The following RIMS2 variants were observed in gnomAD, a reference collection of about 807,000 sequenced individuals.
The protein encoded by RIMS2 is regulating synaptic membrane exocytosis protein 2.
RIMS2 carries 59 observed loss-of-function variants against 174.4 expected under a neutral mutation model. That is an observed-to-expected ratio of 0.34 (90% CI 0.27 to 0.42). The LOEUF is 0.42. RIMS2 is among the 10% of genes least tolerant of loss of function. The probability of loss-of-function intolerance (pLI) is 1.00; values close to 1 mark genes in which losing one functional copy is unlikely to be tolerated. For missense variants in RIMS2, 1,620 were observed against 1,666.3 expected (o/e 0.97, Z 0.48); for synonymous variants, 606 against 572.5 (o/e 1.06, Z -0.84).
chr8:104,063,583 G>C (rs1411200046), intron 19 of RIMS2, among the ~76,000 whole-genome samples: 1 of 152,174 alleles, frequency 6.6e-6, no homozygotes. Flanking sequence ...ACTAATCAAT[G>C]CAATTTCTGA....
At chr8:103,768,975 C>A (rs2098215334) in intron 3 of RIMS2, 3 of 370,726 alleles carry the variant, frequency 8.1e-6, no homozygotes, top group Admixed American at 3.4e-5. Flanking sequence ...CTAAGAAATG[C>A]AGGCTTTCCT....
intron 4 of RIMS2, among the ~76,000 whole-genome samples, chr8:103,898,960 G>C (rs2099310704): frequency 6.6e-6 from 1 of 150,964 alleles, no homozygotes; most frequent in Non-Finnish European, 1.5e-5. Flanking sequence ...CTATGAGTGA[G>C]AACATGCAGG....
chr8:103,745,954 G>T (rs2097806322), intron 2 of RIMS2, among the ~76,000 whole-genome samples: 1 of 151,972 alleles, frequency 6.6e-6, no homozygotes, highest in African/African-American at 2.4e-5. Flanking sequence ...TTTTTTTGAT[G>T]AAGTCCAATT....
intron 1 of RIMS2, among the ~76,000 whole-genome samples, chr8:103,626,043 A>G (rs958046685): frequency 2.0e-5 from 3 of 152,052 alleles, no homozygotes; most frequent in Non-Finnish European, 4.4e-5. Context: ...CTGTCACATA[A>G]TAAGTATGTG....
At chr8:103,904,606 A>G (rs1055545387) in intron 4 of RIMS2, among the ~76,000 whole-genome samples, 2 of 152,068 alleles carry the variant, frequency 1.3e-5, no homozygotes, top group Non-Finnish European at 2.9e-5. Context: ...ATTTTCAAAT[A>G]TTCAACCAGT....
At chr8:104,235,961 G>A (rs1441459633) in intron 19 of RIMS2, among the ~76,000 whole-genome samples, 1 of 151,808 alleles carries the variant, frequency 6.6e-6, no homozygotes, top group Non-Finnish European at 1.5e-5. Flanking sequence ...CATTGCATTT[G>A]GTTGTTACGC....
intron 1 of RIMS2, among the ~76,000 whole-genome samples, chr8:103,534,749 C>G (rs1371167449): frequency 6.6e-6 from 1 of 152,106 alleles, no homozygotes; most frequent in Non-Finnish European, 1.5e-5. Flanking sequence ...ATCAGTAGAC[C>G]TGTATTATTA....
chr8:103,998,251 G>T, intron 17 of RIMS2: 1 of 1,602,374 alleles, frequency 6.2e-7, no homozygotes. Context: ...GGGATGGCAG[G>T]TATATTTTTC....
chr8:103,523,638 T>A (rs1004772495), intron 1 of RIMS2, among the ~76,000 whole-genome samples: 2 of 152,116 alleles, frequency 1.3e-5, no homozygotes, highest in African/African-American at 2.4e-5. Context: ...TGATAGTCAG[T>A]GTTATAGAGT....
rs947418550 is a variant in RIMS2 at position 103,502,536 on chromosome 8, G to A, written c.176+1474G>A. Among the ~76,000 whole-genome samples, 8 of 152,086 alleles carry A rather than the reference G, an allele frequency of 5.3e-5. 1 individual carries two copies. Among genetic ancestry groups the A allele is most frequent in the Middle Eastern group, 3.2e-3 (1 of 316 alleles). ...GAATGTTATTTATTAACAGCCTTCA[G>A]ATATGAAGAAATTAAGAGACTTAAG... On this transcript the variant is annotated intron_variant, in intron 1 of 23. Coordinates refer to ENST00000504942, the Ensembl canonical transcript of RIMS2.
intron 19 of RIMS2, among the ~76,000 whole-genome samples, chr8:104,191,663 T>A (rs2098998421): frequency 6.6e-6 from 1 of 152,184 alleles, no homozygotes; most frequent in Admixed American, 6.6e-5. Flanking sequence ...CTTATGATAT[T>A]TGGCTCTTTC....
At chr8:104,177,370 G>T (rs934130932) in intron 19 of RIMS2, among the ~76,000 whole-genome samples, 1 of 151,928 alleles carries the variant, frequency 6.6e-6, no homozygotes, top group Non-Finnish European at 1.5e-5. Context: ...TTTCCATAGG[G>T]ACTACATTAG....
At chr8:104,098,028 G>C (rs773619775) in intron 19 of RIMS2, among the ~76,000 whole-genome samples, 1 of 152,056 alleles carries the variant, frequency 6.6e-6, no homozygotes, top group African/African-American at 2.4e-5. Flanking sequence ...TGCTATTTTC[G>C]TTAATTAGAT....
chr8:104,253,515 T>G (rs1356148517), downstream of RIMS2: 2 of 152,182 alleles, frequency 1.3e-5, no homozygotes, highest in African/African-American at 4.8e-5. Context: ...CTATTAATAG[T>G]TATTTGATGC....
At chr8:103,916,487 A>G (rs2076653414) in exon 8 of RIMS2, 1 of 1,612,030 alleles carries the variant, frequency 6.2e-7, no homozygotes, top group African/African-American at 1.3e-5. Flanking sequence ...ACATCATTCT[A>G]GAATCCAAAC....
chr8:103,826,017 C>A (rs1045117090), intron 3 of RIMS2, among the ~76,000 whole-genome samples: 14 of 152,142 alleles, frequency 9.2e-5, no homozygotes, highest in Non-Finnish European at 1.6e-4. Context: ...TGCCTCATGA[C>A]TAACAACTAC....
At chr8:103,538,072 C>T (rs1840673511) in intron 1 of RIMS2, among the ~76,000 whole-genome samples, 3 of 151,992 alleles carry the variant, frequency 2.0e-5, no homozygotes, top group African/African-American at 4.8e-5. Flanking sequence ...CTGATATGAT[C>T]CTAGAATTGA....
chr8:103,699,421 G>T lies in RIMS2; in HGVS notation c.387+2125G>T, dbSNP rs182626362. ...TTTAAAATTATTTTTGTAGAGATGG[G>T]GTCTTGCTGTGTTGCCCAGGCTGAT... On this transcript the variant is annotated intron_variant, in intron 2 of 23. Transcript: ENST00000504942. 1.6e-4 allele frequency among the ~76,000 whole-genome samples: 25 copies of T among 152,086 alleles called. 1 individual carries two copies. The South Asian group carries it at 3.7e-3, about 23-fold the overall frequency.
intron 1 of RIMS2, among the ~76,000 whole-genome samples, chr8:103,561,409 G>A (rs1187303384): frequency 2.0e-5 from 3 of 152,042 alleles, no homozygotes; most frequent in Non-Finnish European, 4.4e-5. Context: ...TTTAACACTT[G>A]TTATATAGCC....
Sources: allele counts gnomAD v4.1 joint callset (sites outside exome capture counted in the v4.1 genomes callset), GRCh38; gene constraint gnomAD v4.1.1; transcripts MANE v1.5; gene names NCBI Gene and HGNC (gene_info 2026-07-23, HGNC 2026-07-21).